Variants in NREP observed in about 807,000 individuals in gnomAD.
The protein encoded by NREP is neuronal regeneration related protein.
In NREP, 5 loss-of-function variants were observed where a neutral mutation model predicts 8.6. That is an observed-to-expected ratio of 0.58 (90% CI 0.30 to 1.22). The LOEUF (loss-of-function observed/expected upper bound fraction) is 1.22, where lower values mean the gene tolerates loss of function less well. Ranked by LOEUF, NREP falls within the 50% of genes most tolerant of loss-of-function variation. The pLI, the probability that NREP is intolerant of heterozygous loss-of-function variation, is 0.07. For missense variants in NREP, 86 were observed against 82.5 expected (o/e 1.04, Z -0.17); for synonymous variants, 27 against 28.0 (o/e 0.96, Z 0.11).
chr5:111,944,161 T>C (rs923114594), intron 2 of NREP, among the ~76,000 whole-genome samples: 1 of 152,140 alleles, frequency 6.6e-6, no homozygotes, highest in African/African-American at 2.4e-5. Flanking sequence ...CATTCTCTTT[T>C]ATTGCTGTAA....
At chr5:111,751,366 T>C (rs1340388464) in intron 2 of NREP, among the ~76,000 whole-genome samples, 2 of 152,230 alleles carry the variant, frequency 1.3e-5, no homozygotes, top group Non-Finnish European at 2.9e-5. Flanking sequence ...ACTTTTGCAC[T>C]AACAGATCAA....
intron 2 of NREP, among the ~76,000 whole-genome samples, chr5:111,801,005 T>C (rs576839984): frequency 6.6e-6 from 1 of 152,294 alleles, no homozygotes; most frequent in South Asian, 2.1e-4. Context: ...AACTTCTATA[T>C]ATTTATGACA....
At chr5:111,843,838 A>G (rs1033044364) in intron 2 of NREP, among the ~76,000 whole-genome samples, 6 of 152,190 alleles carry the variant, frequency 3.9e-5, no homozygotes, top group Non-Finnish European at 7.4e-5. Context: ...CGTATCTGGA[A>G]TCTGGGTCTG....
At chr5:111,734,683 C>T in intron 3 of NREP, 1 of 697,522 alleles carries the variant, frequency 1.4e-6, no homozygotes, top group Non-Finnish European at 2.6e-6. Context: ...TAGTCAATTA[C>T]ACTTATGAAA....
chr5:111,961,092 C>A (rs1461663356), intron 2 of NREP, among the ~76,000 whole-genome samples: 1 of 152,204 alleles, frequency 6.6e-6, no homozygotes, highest in Non-Finnish European at 1.5e-5. Context: ...CTTAACCCTT[C>A]CCACTTTGCA....
At chr5:111,971,894 G>A (rs1290069842) in intron 2 of NREP, among the ~76,000 whole-genome samples, 2 of 151,082 alleles carry the variant, frequency 1.3e-5, no homozygotes, top group African/African-American at 4.9e-5. Flanking sequence ...AGACAAAAAA[G>A]GAGTATATCA....
At chr5:111,844,689 T>A (rs1312260325) in intron 2 of NREP, among the ~76,000 whole-genome samples, 4 of 147,506 alleles carry the variant, frequency 2.7e-5, no homozygotes, top group Non-Finnish European at 6.0e-5. Context: ...TATATATATA[T>A]AATAGCTGTT....
chr5:111,889,493 C>T (rs1754342626), intron 2 of NREP, among the ~76,000 whole-genome samples: 1 of 152,178 alleles, frequency 6.6e-6, no homozygotes, highest in Non-Finnish European at 1.5e-5. Flanking sequence ...TCATACTGCC[C>T]TTACTCCCCC....
At chr5:111,837,323 T>C (rs1295509283) in intron 2 of NREP, among the ~76,000 whole-genome samples, 1 of 152,004 alleles carries the variant, frequency 6.6e-6, no homozygotes, top group African/African-American at 2.4e-5. Flanking sequence ...TCAGGACTGA[T>C]GAGGTTTGTG....
At chr5:111,895,076 AC>A (rs1449889019) in intron 2 of NREP, among the ~76,000 whole-genome samples, 1 of 152,240 alleles carries the variant, frequency 6.6e-6, no homozygotes, top group African/African-American at 2.4e-5. Flanking sequence ...AGGAATATTG[AC>A]AAAATAGTTG....
At chr5:111,976,627 G>C (rs372389439) in intron 1 of NREP, 1 of 1,155,078 alleles carries the variant, frequency 8.7e-7, no homozygotes, top group African/African-American at 1.5e-5. Flanking sequence ...GGTCAGTGAG[G>C]CAGAGACAAA....
chr5:111,817,067 A>T (rs1752400528), intron 2 of NREP, among the ~76,000 whole-genome samples: 1 of 152,160 alleles, frequency 6.6e-6, no homozygotes, highest in Non-Finnish European at 1.5e-5. Flanking sequence ...TATGCTATTT[A>T]AACTTTCATT....
chr5:111,756,727 G>A (rs1260954951), intron 1 of NREP, among the ~76,000 whole-genome samples: 1 of 152,162 alleles, frequency 6.6e-6, no homozygotes, highest in East Asian at 1.9e-4. Flanking sequence ...GTAATCAAGT[G>A]TAAGGGCGGA....
chr5:111,811,324 T>C (rs1313814003), intron 2 of NREP, among the ~76,000 whole-genome samples: 4 of 152,154 alleles, frequency 2.6e-5, no homozygotes, highest in Admixed American at 2.6e-4. Flanking sequence ...GACATGTGTA[T>C]CAGACATATA....
chr5:111,755,693 G>T, intron 2 of NREP, 77 bp downstream of exon 2: 1 of 1,490,202 alleles, frequency 6.7e-7, no homozygotes, highest in Non-Finnish European at 9.4e-7. Context: ...TGAGGCGGAT[G>T]AAGATGGGTG....
chr5:111,954,982 G>C (rs1756267313), intron 2 of NREP, among the ~76,000 whole-genome samples: 3 of 152,230 alleles, frequency 2.0e-5, no homozygotes, highest in South Asian at 4.1e-4. Context: ...TAATAACTAA[G>C]AACAAACTAA....
At chr5:111,971,554 C>T (rs1756819403) in intron 2 of NREP, among the ~76,000 whole-genome samples, 1 of 152,010 alleles carries the variant, frequency 6.6e-6, no homozygotes, top group Non-Finnish European at 1.5e-5. Flanking sequence ...GAATAGAGAG[C>T]CCAGAAATAA....
chr5:111,956,221 C>A (rs1561367269), intron 2 of NREP, among the ~76,000 whole-genome samples: 1 of 152,048 alleles, frequency 6.6e-6, no homozygotes, highest in Middle Eastern at 3.4e-3. Flanking sequence ...AAAATGGGCT[C>A]ACAGACAAGA....
chr5:111,876,234 T>G (rs1341869236), intron 2 of NREP, among the ~76,000 whole-genome samples: 1 of 152,182 alleles, frequency 6.6e-6, no homozygotes, highest in African/African-American at 2.4e-5. Context: ...TCCAGCTCAA[T>G]TTTTCAGGCT....
Sources: allele counts gnomAD v4.1 joint callset (sites outside exome capture counted in the v4.1 genomes callset), GRCh38; gene constraint gnomAD v4.1.1; transcripts MANE v1.5; gene names NCBI Gene and HGNC (gene_info 2026-07-23, HGNC 2026-07-21).